Variants in TSHZ3 observed in about 807,000 individuals in gnomAD.
The protein encoded by TSHZ3 is teashirt homolog 3.
In TSHZ3, 10 loss-of-function variants were observed where a neutral mutation model predicts 64.5. The observed-to-expected ratio is 0.16, with a 90% CI of 0.10 to 0.26. The LOEUF (loss-of-function observed/expected upper bound fraction) is 0.26, where lower values mean the gene tolerates loss of function less well. TSHZ3 is among the 10% of genes least tolerant of loss of function. TSHZ3 has a pLI of 1.00. For missense variants in TSHZ3, 1,242 were observed against 1,421.7 expected (o/e 0.87, Z 2.03); for synonymous variants, 608 against 593.1 (o/e 1.03, Z -0.36).
chr19:31,243,614 A>G (rs928730539), intron 1 of TSHZ3, among the ~76,000 whole-genome samples: 42 of 152,076 alleles, frequency 2.8e-4, no homozygotes, highest in Non-Finnish European at 2.6e-4. Flanking sequence ...CAAATAGCAG[A>G]AGCAGAGGGG....
chr19:31,299,090 G>A (rs1250576555), intron 1 of TSHZ3, among the ~76,000 whole-genome samples: 2 of 152,192 alleles, frequency 1.3e-5, no homozygotes, highest in African/African-American at 2.4e-5. Context: ...AGCTACTGGG[G>A]AGGCTAAGGC....
At chr19:31,222,837 G>A (rs958998537) in intron 4 of TSHZ3, among the ~76,000 whole-genome samples, 3 of 152,186 alleles carry the variant, frequency 2.0e-5, no homozygotes, top group African/African-American at 7.2e-5. Flanking sequence ...ATGACAGAGA[G>A]TGATTCAGTA....
chr19:31,247,398 C>G (rs1220632296), intron 1 of TSHZ3, among the ~76,000 whole-genome samples: 2 of 152,198 alleles, frequency 1.3e-5, no homozygotes, highest in East Asian at 1.9e-4. Flanking sequence ...ACCAAGGCAC[C>G]ATTTTGGTGG....
intron 1 of TSHZ3, among the ~76,000 whole-genome samples, chr19:31,289,108 T>C (rs1186973957): frequency 6.6e-6 from 1 of 152,210 alleles, no homozygotes; most frequent in Non-Finnish European, 1.5e-5. Flanking sequence ...TTAAAGAAAC[T>C]CTGCAAATAG....
intron 1 of TSHZ3, among the ~76,000 whole-genome samples, chr19:31,289,832 G>A (rs1016616360): frequency 6.6e-6 from 1 of 152,176 alleles, no homozygotes; most frequent in African/African-American, 2.4e-5. Context: ...ACCTTCCTCT[G>A]TGTCAGGGAA....
chr19:31,222,932 A>C (rs1329955462), intron 4 of TSHZ3, among the ~76,000 whole-genome samples: 1 of 152,216 alleles, frequency 6.6e-6, no homozygotes, highest in Non-Finnish European at 1.5e-5. Flanking sequence ...ATGTGGGGTC[A>C]GCGAGTCTCC....
intron 5 of TSHZ3, among the ~76,000 whole-genome samples, chr19:31,180,395 T>C (rs970002396): frequency 1.3e-5 from 2 of 152,166 alleles, no homozygotes; most frequent in African/African-American, 4.8e-5. Context: ...CCGTGACATT[T>C]CTGTTTTCTC....
At chr19:31,243,630 G>C (rs540099123) in intron 1 of TSHZ3, among the ~76,000 whole-genome samples, 1 of 152,226 alleles carries the variant, frequency 6.6e-6, no homozygotes, top group South Asian at 2.1e-4. Context: ...AGGGGGTGGG[G>C]GCAGATGCAT....
chr19:31,190,065 T>C (rs1329612733), intron 5 of TSHZ3, among the ~76,000 whole-genome samples: 1 of 132,528 alleles, frequency 7.5e-6, no homozygotes. Context: ...AGGAAGAGTG[T>C]TTTTCTTGAA....
At chr19:31,193,966 A>C (rs1974949876) in intron 5 of TSHZ3, among the ~76,000 whole-genome samples, 1 of 152,212 alleles carries the variant, frequency 6.6e-6, no homozygotes, top group African/African-American at 2.4e-5. Context: ...AAGCTGAACA[A>C]ACTGGAAAAT....
At chr19:31,264,227 C>T (rs1214692975) in intron 1 of TSHZ3, among the ~76,000 whole-genome samples, 1 of 152,180 alleles carries the variant, frequency 6.6e-6, no homozygotes, top group East Asian at 1.9e-4. Context: ...GGGAAGCCAC[C>T]CTCAGCCAGT....
intron 4 of TSHZ3, among the ~76,000 whole-genome samples, chr19:31,206,474 G>A (rs990932936): frequency 8.5e-5 from 13 of 152,160 alleles, no homozygotes; most frequent in Admixed American, 8.5e-4. Context: ...TTTATTTTGG[G>A]AGAAAGGAAA....
intron 1 of TSHZ3, among the ~76,000 whole-genome samples, chr19:31,259,351 T>A (rs1474761736): frequency 6.6e-6 from 1 of 152,218 alleles, no homozygotes; most frequent in Admixed American, 6.5e-5. Context: ...GTCATTGTAC[T>A]CTTTTTCAAT....
chr19:31,250,049 C>T (rs758087381), intron 1 of TSHZ3, among the ~76,000 whole-genome samples: 2 of 152,230 alleles, frequency 1.3e-5, no homozygotes, highest in East Asian at 1.9e-4. Flanking sequence ...CCAGGCTGCA[C>T]GCGCCAGGCA....
At chr19:31,222,035 T>G (rs1339426644) in intron 4 of TSHZ3, among the ~76,000 whole-genome samples, 1 of 152,142 alleles carries the variant, frequency 6.6e-6, no homozygotes, top group African/African-American at 2.4e-5. Flanking sequence ...GTGGTTGAGT[T>G]TGCCTGGACC....
chr19:31,223,766 C>A (rs770416732), intron 4 of TSHZ3, among the ~76,000 whole-genome samples: 1 of 152,064 alleles, frequency 6.6e-6, no homozygotes, highest in Admixed American at 6.6e-5. Context: ...ATGCTGACTG[C>A]CAGCAAATAG....
chr19:31,330,321 CA>C (rs1350073650), intron 1 of TSHZ3, among the ~76,000 whole-genome samples: 1 of 152,194 alleles, frequency 6.6e-6, no homozygotes, highest in Non-Finnish European at 1.5e-5. Flanking sequence ...TAACGCCTAG[CA>C]GGGGTGGAGC....
At chr19:31,295,850 G>C (rs1211169792) in intron 1 of TSHZ3, among the ~76,000 whole-genome samples, 1 of 150,172 alleles carries the variant, frequency 6.7e-6, no homozygotes, top group Non-Finnish European at 1.5e-5. Context: ...GTGATGCTGA[G>C]GTTTGGGCTA....
chr19:31,202,943 G>A (rs1018079882), intron 5 of TSHZ3, among the ~76,000 whole-genome samples: 3 of 152,082 alleles, frequency 2.0e-5, no homozygotes, highest in Non-Finnish European at 4.4e-5. Flanking sequence ...GACAGACACC[G>A]AACTAGACCA....
Sources: gnomAD v4.1 joint callset for allele counts (sites outside exome capture counted in the v4.1 genomes callset) on GRCh38, gnomAD v4.1.1 for gene constraint, MANE v1.5 for transcripts, NCBI Gene and HGNC (gene_info 2026-07-23, HGNC 2026-07-21) for gene names.